ACSM3: variants seen among roughly 807,000 people sequenced by gnomAD.
The protein encoded by ACSM3 is acyl-coenzyme A synthetase ACSM3, mitochondrial.
ACSM3 carries 61 observed loss-of-function variants against 74.1 expected under a neutral mutation model. That is an observed-to-expected ratio of 0.82 (90% CI 0.67 to 1.02). The LOEUF is 1.02. ACSM3 is among the 50% of genes least tolerant of loss of function. The pLI, the probability that ACSM3 is intolerant of heterozygous loss-of-function variation, is 0.00. For synonymous variants in ACSM3, 213 were observed against 241.5 expected, an observed-to-expected ratio of 0.88 and a Z score of 1.09; for missense variants, 660 against 697.0, an observed-to-expected ratio of 0.95 and a Z score of 0.60.
rs950479891 is a variant in ACSM3 at position 20,785,069 on chromosome 16, G to A, written c.1105G>A (p.Gly369Ser). The A allele has an allele frequency of 4.3e-6, 7 of 1,613,490 alleles. No homozygotes were observed. The highest frequency in any genetic ancestry group is 1.7e-5 in the Admixed American group (1 of 59,964). Residue 369 changes from glycine (G) to serine (S), a missense_variant, in exon 8 of 14, where the codon GGC becomes AGC. Physicochemically the swap from Gly to Ser is moderately conservative, Grantham distance 56. Coordinates refer to ENST00000289416, the MANE Select transcript of ACSM3 (RefSeq NM_005622.4). Reference protein sequence around the residue: ...DVTEKWRNKTGLDIYEGYGQT... With the variant: ...DVTEKWRNKTSLDIYEGYGQT... ...GACTGAAAAATGGAGAAACAAGACG[G>A]GCCTGGATATCTACGAAGGATATGG...
intron 2 of ACSM3, among the ~76,000 whole-genome samples, chr16:20,775,448 A>G (rs2080244093): frequency 6.6e-6 from 1 of 152,084 alleles, no homozygotes; most frequent in South Asian, 2.1e-4. Flanking sequence ...AGGATCTTCC[A>G]CTTACATTTT....
intron 1 of ACSM3, among the ~76,000 whole-genome samples, chr16:20,698,471 T>C (rs1377503139): frequency 6.6e-6 from 1 of 152,082 alleles, no homozygotes; most frequent in Non-Finnish European, 1.5e-5. Context: ...CATGTCATCT[T>C]TGTGGACCTT....
intron 1 of ACSM3, among the ~76,000 whole-genome samples, chr16:20,693,921 A>C (rs1341461009): frequency 6.6e-6 from 1 of 152,244 alleles, no homozygotes; most frequent in East Asian, 1.9e-4. Flanking sequence ...TTCTCTTAAA[A>C]GCAAAATTTA....
At chr16:20,723,119 T>C (rs1232295411) in intron 1 of ACSM3, among the ~76,000 whole-genome samples, 2 of 152,092 alleles carry the variant, frequency 1.3e-5, no homozygotes, top group Admixed American at 1.3e-4. Flanking sequence ...CACCTATGAG[T>C]AAGAACATGC....
At position 20,790,504 on chromosome 16, in the gene ACSM3, C is replaced by A; in HGVS notation, c.1225-83C>A. ...GTCTTCATTTTTAAATGGCAAAAGC[C>A]AAAATAAAACTTGCAAAGTTAATAT... is the stretch of plus-strand genomic sequence containing the variant. On this transcript the variant is annotated intron_variant, in intron 9 of 13. Transcript: ENST00000289416. This position sits in a 1 kb window ranked among gnomAD's most constrained non-coding sequence, Gnocchi z 4.0. The A allele has an allele frequency of 7.2e-7, 1 of 1,383,738 alleles. No homozygotes were observed. The highest frequency in any genetic ancestry group is 1.0e-6 in the Non-Finnish European group (1 of 999,028). The allele number at this position is 1,383,738 out of a possible 1,614,324, so 85.7% of individuals were successfully genotyped here.
chr16:20,759,116 A>G (rs2080055226), upstream of ACSM3, among the ~76,000 whole-genome samples: 1 of 152,126 alleles, frequency 6.6e-6, no homozygotes, highest in Admixed American at 6.5e-5. Context: ...CAACCTTGTG[A>G]TTAGAGGGTT....
At chr16:20,765,898 T>C (rs1183106876) in intron 1 of ACSM3, among the ~76,000 whole-genome samples, 3 of 152,228 alleles carry the variant, frequency 2.0e-5, no homozygotes, top group Admixed American at 6.5e-5. Flanking sequence ...CTCCCATTAC[T>C]CTCTTTGTTT....
chr16:20,796,533 C>A (rs777376636), intron 13 of ACSM3, 44 bp downstream of exon 13: 4 of 1,599,596 alleles, frequency 2.5e-6, no homozygotes, highest in East Asian at 2.2e-5. Flanking sequence ...GTGTTGTGGA[C>A]AATTTCAAGT....
chr16:20,682,172 C>T (rs2079459122), intron 1 of ACSM3: 1 of 1,367,936 alleles, frequency 7.3e-7, no homozygotes, highest in Non-Finnish European at 1.0e-6. Flanking sequence ...ATACATCCTC[C>T]TCAACCCCAC....
chr16:20,731,268 C>T (rs965147247), intron 1 of ACSM3, among the ~76,000 whole-genome samples: 2 of 152,182 alleles, frequency 1.3e-5, no homozygotes, highest in East Asian at 1.9e-4. Context: ...ATTTGTCCCC[C>T]TGGTACATGC....
At chr16:20,718,188 C>T (rs1452273465) in intron 1 of ACSM3, 1 of 202,566 alleles carries the variant, frequency 4.9e-6, no homozygotes, top group East Asian at 1.1e-4. Context: ...CCAAGTCCCT[C>T]TAAGATTTCT....
At chr16:20,717,847 G>A (rs1032690181) in intron 1 of ACSM3, among the ~76,000 whole-genome samples, 5 of 150,884 alleles carry the variant, frequency 3.3e-5, no homozygotes, top group African/African-American at 4.9e-5. Context: ...GAAGAAGGAG[G>A]AGGAAGAGGA....
intron 12 of ACSM3, among the ~76,000 whole-genome samples, chr16:20,795,166 A>G (rs897714355): frequency 2.0e-5 from 3 of 152,222 alleles, no homozygotes; most frequent in African/African-American, 7.2e-5. Flanking sequence ...GCACATGTAA[A>G]TTAAAAATGT....
intron 1 of ACSM3, chr16:20,741,900 C>A: frequency 1.3e-6 from 2 of 1,534,612 alleles, no homozygotes; most frequent in Non-Finnish European, 8.7e-7. Flanking sequence ...GGCCGGTCTG[C>A]AATCGTGAAA....
upstream of ACSM3, chr16:20,763,593 A>T (rs1273695521): frequency 1.3e-5 from 2 of 152,282 alleles, no homozygotes; most frequent in African/African-American, 4.8e-5. Flanking sequence ...GAAAGATTTG[A>T]GCAGGGGAGT....
At chr16:20,784,160 C>T (rs577548732) in intron 7 of ACSM3, among the ~76,000 whole-genome samples, 4 of 152,312 alleles carry the variant, frequency 2.6e-5, no homozygotes, top group Admixed American at 2.0e-4. Flanking sequence ...CAGTTCTGCA[C>T]CTTGCTTTTT....
At chr16:20,703,573 GTTC>G (rs1439774509) in intron 1 of ACSM3, 1 of 152,118 alleles carries the variant, frequency 6.6e-6, no homozygotes, top group African/African-American at 2.4e-5. Flanking sequence ...CCAGGCTGGA[GTTC>G]AGTGGCATGA....
At chr16:20,748,152 TA>T (rs2079965874) in intron 1 of ACSM3, among the ~76,000 whole-genome samples, 1 of 151,580 alleles carries the variant, frequency 6.6e-6, no homozygotes, top group Non-Finnish European at 1.5e-5. Context: ...AATAAATAAA[TA>T]AATAAATAGA....
At chr16:20,792,370 G>T (rs776238772) in intron 12 of ACSM3, 35 bp downstream of exon 12, 5 of 1,611,038 alleles carry the variant, frequency 3.1e-6, no homozygotes, top group Non-Finnish European at 4.2e-6. Flanking sequence ...TTTATAATTT[G>T]TTGGCAATTT....
Sources: gnomAD v4.1 joint callset for allele counts (sites outside exome capture counted in the v4.1 genomes callset) on GRCh38, gnomAD v4.1.1 for gene constraint, Gnocchi (gnomAD v3.1) non-coding constraint, MANE v1.5 for transcripts, NCBI Gene and HGNC (gene_info 2026-07-23, HGNC 2026-07-21) for gene names.